Variants in TMEM108 observed in about 807,000 individuals in gnomAD.
TMEM108 encodes the protein transmembrane protein 108.
Under a neutral mutation model 35.1 loss-of-function variants are expected in TMEM108, and 12 were observed. That is an observed-to-expected ratio of 0.34 (90% CI 0.22 to 0.55). The LOEUF is 0.55. Ranked by LOEUF, TMEM108 falls within the 20% of genes least tolerant of loss-of-function variation. The probability of loss-of-function intolerance (pLI) is 0.89; values close to 1 mark genes in which losing one functional copy is unlikely to be tolerated. For synonymous variants in TMEM108, 287 were observed against 308.6 expected, an observed-to-expected ratio of 0.93 and a Z score of 0.73; for missense variants, 680 against 753.3, an observed-to-expected ratio of 0.90 and a Z score of 1.14.
At chr3:133,367,100 T>C (rs9289444) in intron 3 of TMEM108, among the ~76,000 whole-genome samples, 34,329 of 152,166 alleles carry the variant, frequency 0.23, 4,337 homozygotes, top group Middle Eastern at 0.31. Flanking sequence ...ACAGCCTGCA[T>C]TCCATGAAAT....
chr3:133,132,579 C>T (rs777841851), intron 2 of TMEM108, among the ~76,000 whole-genome samples: 47 of 152,112 alleles, frequency 3.1e-4, no homozygotes, highest in Non-Finnish European at 3.2e-4. Context: ...TACACATGGT[C>T]ACCCAAAAGC....
intron 4 of TMEM108, chr3:133,389,683 CAAAAA>C (rs769371033): frequency 3.0e-5 from 3 of 100,482 alleles, no homozygotes; most frequent in Admixed American, 1.1e-4. Context: ...TAGACTCCAT[CAAAAA>C]AAAAAAAAAA....
chr3:133,205,420 A>G (rs1945738209), intron 2 of TMEM108, among the ~76,000 whole-genome samples: 3 of 152,000 alleles, frequency 2.0e-5, no homozygotes, highest in Admixed American at 6.6e-5. Context: ...ATAATTTGGT[A>G]TGTTTTTGGA....
chr3:133,209,181 A>G (rs1395377282), intron 2 of TMEM108, among the ~76,000 whole-genome samples: 1 of 151,346 alleles, frequency 6.6e-6, no homozygotes, highest in Non-Finnish European at 1.5e-5. Flanking sequence ...AGCTCTGACT[A>G]TAGACACAGG....
At chr3:133,067,519 T>A (rs115211993) in intron 2 of TMEM108, among the ~76,000 whole-genome samples, 2,535 of 152,340 alleles carry the variant, frequency 0.017, 83 homozygotes, top group African/African-American at 0.058. Flanking sequence ...GAATTATGAA[T>A]GTTCATCTGC....
At chr3:133,391,707 C>T (rs1015638530) in intron 5 of TMEM108, among the ~76,000 whole-genome samples, 2 of 152,206 alleles carry the variant, frequency 1.3e-5, no homozygotes, top group Admixed American at 1.3e-4. Flanking sequence ...TCTTCAGGCT[C>T]TCCCCAGCAC....
intron 3 of TMEM108, among the ~76,000 whole-genome samples, chr3:133,344,685 G>A (rs1513363): frequency 0.32 from 48,611 of 151,506 alleles, 8,517 homozygotes; most frequent in East Asian, 0.48. Flanking sequence ...ATAATAAAAT[G>A]TGCACCTTTC....
intron 2 of TMEM108, among the ~76,000 whole-genome samples, chr3:133,178,011 C>T (rs938035996): frequency 6.6e-6 from 1 of 152,154 alleles, no homozygotes; most frequent in Non-Finnish European, 1.5e-5. Context: ...CATTCTTATA[C>T]ATCAATAACA....
Position 133,380,646 on chromosome 3 carries a change from C to T in TMEM108, c.935C>T (p.Ala312Val). 6.2e-7 allele frequency: 1 copy of T among 1,613,974 alleles called. No homozygotes were observed. Among genetic ancestry groups the T allele is most frequent in the Non-Finnish European group, 8.5e-7 (1 of 1,179,950 alleles). The change falls in exon 4 of 6, where the codon GCT becomes GTT. Residue 312 changes from alanine (A) to valine (V), a missense_variant. Ala to Val is a moderately conservative substitution (Grantham distance 64, BLOSUM62 0). This residue lies in a region of TMEM108 where 526 missense variants were observed against 532.1 expected (regional missense o/e 0.99). Transcript: ENST00000321871. The surrounding 1 kb of genome is among the most constrained non-coding windows in gnomAD (Gnocchi z 5.3). ...TCAGGTGCCCCTGTCAGTCCACAAG[C>T]TGCCCCAGTGCCTTCTCAGCGCCCC... ...AASGAPVSPQ[A>V]APVPSQRPHH...
chr3:133,050,422 C>T (rs1354464869), intron 2 of TMEM108, among the ~76,000 whole-genome samples: 1 of 152,142 alleles, frequency 6.6e-6, no homozygotes, highest in Non-Finnish European at 1.5e-5. Context: ...ACTCCTCCTA[C>T]TCCCTATACA....
intron 5 of TMEM108, among the ~76,000 whole-genome samples, chr3:133,391,464 A>G (rs552235368): frequency 3.3e-5 from 5 of 152,310 alleles, no homozygotes; most frequent in African/African-American, 9.6e-5. Flanking sequence ...CTGTGGTCAC[A>G]TCGCTCACAT....
intron 1 of TMEM108, among the ~76,000 whole-genome samples, chr3:133,040,033 G>A (rs564431186): frequency 9.9e-5 from 15 of 152,102 alleles, no homozygotes; most frequent in African/African-American, 3.1e-4. Flanking sequence ...AAATTTTGTC[G>A]GTTTTCTGAG....
intron 2 of TMEM108, among the ~76,000 whole-genome samples, chr3:133,046,990 A>G (rs1292962727): frequency 2.0e-5 from 3 of 152,196 alleles, no homozygotes; most frequent in Non-Finnish European, 2.9e-5. Flanking sequence ...TCGGGGCCTC[A>G]TGTGGCTCAG....
chr3:133,357,468 C>T (rs768704454), intron 3 of TMEM108, among the ~76,000 whole-genome samples: 15 of 152,090 alleles, frequency 9.9e-5, no homozygotes, highest in African/African-American at 2.4e-4. Context: ...GAAAAAGATA[C>T]GAGCACATGC....
chr3:133,040,750 C>G (rs1010415432), intron 1 of TMEM108, among the ~76,000 whole-genome samples: 4 of 152,170 alleles, frequency 2.6e-5, no homozygotes, highest in Admixed American at 6.5e-5. Context: ...CATCTAGCAA[C>G]GTACTTCAGT....
chr3:133,321,379 A>G (rs1048070231), intron 3 of TMEM108, among the ~76,000 whole-genome samples: 6 of 152,252 alleles, frequency 3.9e-5, no homozygotes, highest in African/African-American at 1.4e-4. Flanking sequence ...CTTATATCAG[A>G]CAAAACAAAC....
At chr3:133,383,560 A>ATT (rs2073068578) in intron 4 of TMEM108, among the ~76,000 whole-genome samples, 1 of 152,168 alleles carries the variant, frequency 6.6e-6, no homozygotes, top group East Asian at 1.9e-4. Context: ...TTGCAATTCT[A>ATT]AAAGAACTCC....
intron 2 of TMEM108, among the ~76,000 whole-genome samples, chr3:133,186,946 T>C (rs1278812557): frequency 1.3e-5 from 2 of 152,146 alleles, no homozygotes; most frequent in African/African-American, 4.8e-5. Flanking sequence ...TCAGTCTGGT[T>C]TTCTGTCAGT....
rs552884004 is a variant in TMEM108, at chr3:133,238,830, C to T, written c.40+9479C>T. Among the ~76,000 whole-genome samples, 10 of 152,272 alleles carry T rather than the reference C, an allele frequency of 6.6e-5. 1 individual carries two copies. Among genetic ancestry groups the T allele is most frequent in the African/African-American group, 2.4e-4 (10 of 41,556 alleles). On this transcript the variant is annotated intron_variant, in intron 3 of 5. Transcript: ENST00000321871. ...CAAACAAATTTTGACTCCAAAAATA[C>T]GTGACCTTTTAGATGTTACAGACAA...
Sources: allele counts gnomAD v4.1 joint callset (sites outside exome capture counted in the v4.1 genomes callset), GRCh38; gene constraint gnomAD v4.1.1; regional missense constraint gnomAD v4.1.1; non-coding constraint Gnocchi (gnomAD v3.1); transcripts MANE v1.5; gene names NCBI Gene and HGNC (gene_info 2026-07-23, HGNC 2026-07-21).